IL1RAPL2: variants seen among roughly 807,000 people sequenced by gnomAD.
IL1RAPL2 encodes the protein interleukin 1 receptor accessory protein like 2, also known as X-linked interleukin-1 receptor accessory protein-like 2.
In IL1RAPL2, 3 loss-of-function variants were observed where a neutral mutation model predicts 44.1. The ratio of observed to expected loss-of-function variants is 0.07; its 90% confidence interval spans 0.03 to 0.18. The LOEUF (loss-of-function observed/expected upper bound fraction) is 0.18. Among genes scored for constraint, IL1RAPL2 ranks in the 10% least tolerant of loss-of-function variants. IL1RAPL2 has a pLI of 1.00. For synonymous variants in IL1RAPL2, 181 were observed against 178.8 expected (o/e 1.01, Z -0.10); for missense variants, 391 against 496.4 (o/e 0.79, Z 2.02).
In IL1RAPL2 at chrX:104,894,947, T is replaced by C. The variant is rs996417219; in HGVS notation, c.82+235952T>C. 2.1e-4 allele frequency among the ~76,000 whole-genome samples: 24 copies of C among 112,430 alleles called. No individual in the cohort carries two copies. The Admixed American group carries it at 2.2e-3, about 10-fold the overall frequency. Reference sequence around the variant, plus strand: ...TACCTTTGGTCTTTGATGATGGTGATGTTCAGATGGGGATTCTGTGTGGAT... The same window carrying C: ...TACCTTTGGTCTTTGATGATGGTGACGTTCAGATGGGGATTCTGTGTGGAT... On this transcript the variant is annotated intron_variant, in intron 2 of 10. Transcript: ENST00000372582.
intron 2 of IL1RAPL2, among the ~76,000 whole-genome samples, chrX:104,780,454 AG>A (rs373552179): frequency 3.6e-5 from 4 of 111,652 alleles, no homozygotes; most frequent in African/African-American, 1.3e-4. Flanking sequence ...ATGGCTAGGA[AG>A]GGGGTGTCAG....
chrX:105,042,022 A>G (rs2031751882), intron 2 of IL1RAPL2, among the ~76,000 whole-genome samples: 1 of 111,170 alleles, frequency 9.0e-6, no homozygotes, highest in South Asian at 3.7e-4. Flanking sequence ...CTGGCTAGCC[A>G]TATGTAGAAA....
intron 2 of IL1RAPL2, among the ~76,000 whole-genome samples, chrX:105,095,606 C>T (rs2032595430): frequency 9.0e-6 from 1 of 111,600 alleles, no homozygotes. Context: ...AATCAATAGT[C>T]TTTTCAACAA....
intron 2 of IL1RAPL2, among the ~76,000 whole-genome samples, chrX:104,940,168 C>T (rs967484173): frequency 9.0e-6 from 1 of 111,351 alleles, no homozygotes; most frequent in South Asian, 3.8e-4. Context: ...CACAAATATC[C>T]GTAAGTTCCT....
chrX:105,012,460 C>T (rs779840028), intron 2 of IL1RAPL2, among the ~76,000 whole-genome samples: 1 of 110,382 alleles, frequency 9.1e-6, no homozygotes, highest in Non-Finnish European at 1.9e-5. Context: ...AGATGGCCCT[C>T]ACTTTAAGCA....
chrX:105,603,544 T>C (rs997294665), intron 6 of IL1RAPL2, among the ~76,000 whole-genome samples: 3 of 111,310 alleles, frequency 2.7e-5, no homozygotes, highest in African/African-American at 9.8e-5. Context: ...AAGCAAATAT[T>C]ATTAGATATA....
intron 6 of IL1RAPL2, among the ~76,000 whole-genome samples, chrX:105,505,127 A>G (rs1414866442): frequency 9.0e-6 from 1 of 111,044 alleles, no homozygotes; most frequent in Non-Finnish European, 1.9e-5. Context: ...GTCCACAAAT[A>G]TGGCCTTTAC....
At chrX:104,838,823 CTT>C (rs869108663) in intron 2 of IL1RAPL2, among the ~76,000 whole-genome samples, 1 of 64,613 alleles carries the variant, frequency 1.5e-5, no homozygotes, top group Non-Finnish European at 3.1e-5. Flanking sequence ...TTCTTTTCTT[CTT>C]TCTTTCTTTC....
intron 2 of IL1RAPL2, among the ~76,000 whole-genome samples, chrX:105,183,710 G>A (rs183241702): frequency 9.0e-6 from 1 of 111,662 alleles, no homozygotes; most frequent in East Asian, 2.8e-4. Flanking sequence ...GTTTCCTGGA[G>A]TATAGGAATC....
chrX:105,510,132 G>A (rs1211178524), intron 6 of IL1RAPL2, among the ~76,000 whole-genome samples: 1 of 111,243 alleles, frequency 9.0e-6, no homozygotes, highest in African/African-American at 3.3e-5. Flanking sequence ...CAGCTGTGAT[G>A]GTGCCACTCT....
At chrX:104,879,365 T>TAAAAAAAAAAAAAAAAAAAAAAAAAAAAA (rs753494292) in intron 2 of IL1RAPL2, among the ~76,000 whole-genome samples, 4 of 31,056 alleles carry the variant, frequency 1.3e-4, no homozygotes, top group African/African-American at 7.4e-4. Flanking sequence ...GCAAAACTAG[T>TAAAAAAAAAAAAAAAAAAAAAAAAAAAAA]AAAAAAAAAA....
At chrX:104,879,626 A>G (rs1034168981) in intron 2 of IL1RAPL2, among the ~76,000 whole-genome samples, 3 of 111,671 alleles carry the variant, frequency 2.7e-5, no homozygotes, top group African/African-American at 9.8e-5. Flanking sequence ...TTCTTGCCCT[A>G]AACCAATTCC....
chrX:104,946,363 G>A (rs1332528786), intron 2 of IL1RAPL2, among the ~76,000 whole-genome samples: 1 of 37,510 alleles, frequency 2.7e-5, no homozygotes, highest in Non-Finnish European at 4.4e-5. Context: ...CTGGGCGACA[G>A]AGCAAGACTC....
chrX:105,687,646 C>G (rs1436233593), intron 6 of IL1RAPL2, among the ~76,000 whole-genome samples: 1 of 111,403 alleles, frequency 9.0e-6, no homozygotes, highest in Non-Finnish European at 1.9e-5. Context: ...ACCAGAGTTA[C>G]AAAGAGGAGC....
chrX:104,641,753 C>T (rs994943615), intron 1 of IL1RAPL2, among the ~76,000 whole-genome samples: 1 of 111,615 alleles, frequency 9.0e-6, no homozygotes, highest in Non-Finnish European at 1.9e-5. Flanking sequence ...CCTTATTAGT[C>T]CTGGTTGTGG....
intron 2 of IL1RAPL2, among the ~76,000 whole-genome samples, chrX:104,933,174 C>T (rs1057349193): frequency 5.4e-5 from 6 of 111,525 alleles, no homozygotes; most frequent in Admixed American, 9.6e-5. Context: ...ATGTAAATGA[C>T]GAGTTGATGG....
chrX:104,872,123 A>C (rs1602771757), intron 2 of IL1RAPL2, among the ~76,000 whole-genome samples: 2 of 112,163 alleles, frequency 1.8e-5, no homozygotes, highest in African/African-American at 3.2e-5. Context: ...TTTAACATGC[A>C]TAGCCAAGCC....
chrX:105,522,969 C>T (rs904496633), intron 6 of IL1RAPL2, among the ~76,000 whole-genome samples: 5 of 111,297 alleles, frequency 4.5e-5, no homozygotes, highest in African/African-American at 1.6e-4. Flanking sequence ...CTTCATCTGA[C>T]CCTGCTTGGC....
chrX:105,631,749 A>G (rs1256093490), intron 6 of IL1RAPL2, among the ~76,000 whole-genome samples: 1 of 112,033 alleles, frequency 8.9e-6, no homozygotes, highest in African/African-American at 3.2e-5. Flanking sequence ...GAGTGATAGG[A>G]AAGAATTCAA....
Sources: gnomAD v4.1 joint callset for allele counts (sites outside exome capture counted in the v4.1 genomes callset) on GRCh38, gnomAD v4.1.1 for gene constraint, MANE v1.5 for transcripts, NCBI Gene and HGNC (gene_info 2026-07-23, HGNC 2026-07-21) for gene names.